The following SLC33A2 variants were observed in gnomAD, a reference collection of about 807,000 sequenced individuals.
SLC33A2 encodes the protein major facilitator superfamily domain containing 3.
At chr8:144,510,453 T>C in the SLC33A2 span, 7 of 1,612,910 alleles carry the variant, frequency 4.3e-6, no homozygotes, top group Non-Finnish European at 5.9e-6. Flanking sequence ...GTGGGTGCTG[T>C]GGTCTGCTCC....
chr8:144,509,961 C>T, the SLC33A2 span: 14 of 1,595,736 alleles, frequency 8.8e-6, no homozygotes, highest in Non-Finnish European at 1.2e-5. Flanking sequence ...GCGGGACGTG[C>T]TAGCCGTGCC....
At chr8:144,510,194 C>G in the SLC33A2 span, 6 of 1,297,138 alleles carry the variant, frequency 4.6e-6, no homozygotes, top group South Asian at 1.4e-5. Context: ...GCCCCCAGCT[C>G]TAGCCCCATC....
the SLC33A2 span, chr8:144,510,215 C>G: frequency 2.9e-6 from 4 of 1,373,438 alleles, no homozygotes; most frequent in African/African-American, 4.3e-5. Context: ...CCTGAGCGCT[C>G]TCTCGGGCTG....
chr8:144,509,513 G>A, the SLC33A2 span: 1 of 1,530,014 alleles, frequency 6.5e-7, no homozygotes, highest in Non-Finnish European at 8.7e-7. Context: ...CCCCGCTGGT[G>A]GACGCGCAGG....
At chr8:144,511,051 C>G in the SLC33A2 span, 3 of 1,606,040 alleles carry the variant, frequency 1.9e-6, no homozygotes, top group Non-Finnish European at 2.5e-6. Context: ...GCTGGGCACT[C>G]TGGCCGGAGG....
the SLC33A2 span, chr8:144,510,933 G>C: frequency 6.2e-7 from 1 of 1,600,678 alleles, no homozygotes; most frequent in Admixed American, 1.7e-5. Flanking sequence ...ACACAAGAGA[G>C]ACCACGGGGC....
chr8:144,510,578 A>G, the SLC33A2 span: 3 of 1,592,332 alleles, frequency 1.9e-6, no homozygotes, highest in Non-Finnish European at 2.6e-6. Flanking sequence ...ATACTGACCC[A>G]TTTCCCACCC....
the SLC33A2 span, chr8:144,510,356 C>T: frequency 6.2e-7 from 1 of 1,611,822 alleles, no homozygotes; most frequent in Non-Finnish European, 8.5e-7. Flanking sequence ...CCCCACCACC[C>T]AAGGTGAGCA....
the SLC33A2 span, chr8:144,510,108 C>T: frequency 6.0e-5 from 86 of 1,428,010 alleles, no homozygotes; most frequent in South Asian, 1.2e-4. Context: ...TACAGGGCCA[C>T]GCTCTTTCTG....
At chr8:144,509,431 G>A in the SLC33A2 span, 1 of 1,532,372 alleles carries the variant, frequency 6.5e-7, no homozygotes, top group Non-Finnish European at 8.7e-7. Flanking sequence ...CTGCGTGCCG[G>A]CGGCCTCTCG....
At chr8:144,510,692 G>A in the SLC33A2 span, 1 of 1,567,806 alleles carries the variant, frequency 6.4e-7, no homozygotes, top group Non-Finnish European at 8.7e-7. Flanking sequence ...CACCCTGGGG[G>A]CCAGCATGGA....
At chr8:144,509,793 C>T in the SLC33A2 span, 1 of 1,546,024 alleles carries the variant, frequency 6.5e-7, no homozygotes, top group Non-Finnish European at 8.7e-7. Flanking sequence ...TGGGGGCGCG[C>T]TGCTGGCGCT....
At chr8:144,509,548 G>A in the SLC33A2 span, 1 of 1,519,686 alleles carries the variant, frequency 6.6e-7, no homozygotes, top group Non-Finnish European at 8.8e-7. Flanking sequence ...TGGGTGACGC[G>A]CAGCACGGCG....
At chr8:144,510,362 G>T in the SLC33A2 span, 1 of 1,612,024 alleles carries the variant, frequency 6.2e-7, no homozygotes, top group East Asian at 2.2e-5. Context: ...CACCCAAGGT[G>T]AGCAGGGTGC....
At chr8:144,510,926 C>G in the SLC33A2 span, 2 of 1,601,190 alleles carry the variant, frequency 1.2e-6, no homozygotes, top group Admixed American at 1.7e-5. Flanking sequence ...AGCAGGGACA[C>G]AAGAGAGACC....
the SLC33A2 span, chr8:144,510,568 A>G: frequency 3.1e-6 from 5 of 1,598,490 alleles, no homozygotes; most frequent in Non-Finnish European, 4.3e-6. Flanking sequence ...CCAATCCACT[A>G]TACTGACCCA....
the SLC33A2 span, chr8:144,509,829 C>T: frequency 1.3e-6 from 2 of 1,538,092 alleles, no homozygotes; most frequent in Non-Finnish European, 1.7e-6. Context: ...GTGGCCGCAA[C>T]TCTTTCTGCT....
chr8:144,510,394 C>A, the SLC33A2 span: 1 of 1,612,104 alleles, frequency 6.2e-7, no homozygotes, highest in Non-Finnish European at 8.5e-7. Flanking sequence ...TTCCTCTTCT[C>A]CTGCTGGACC....
the SLC33A2 span, chr8:144,510,843 C>A: frequency 1.9e-6 from 3 of 1,610,518 alleles, no homozygotes; most frequent in South Asian, 2.2e-5. Context: ...GAGGCCTGGT[C>A]ACCACAGTCA....
Sources: gnomAD v4.1 joint callset for allele counts on GRCh38, gnomAD v4.1.1 for gene constraint, MANE v1.5 for transcripts, NCBI Gene and HGNC (gene_info 2026-07-23, HGNC 2026-07-21) for gene names.